Variants in ZC3H18 observed in about 807,000 individuals in gnomAD.
The protein encoded by ZC3H18 is zinc finger CCCH-type containing 18.
ZC3H18 carries 8 observed loss-of-function variants against 106.1 expected under a neutral mutation model. The observed-to-expected ratio is 0.08, with a 90% CI of 0.04 to 0.14. ZC3H18 has a LOEUF of 0.14. Among genes scored for constraint, ZC3H18 ranks in the 10% least tolerant of loss-of-function variants. The pLI, the probability that ZC3H18 is intolerant of heterozygous loss-of-function variation, is 1.00. For missense variants in ZC3H18, 1,318 were observed against 1,278.4 expected (o/e 1.03, Z -0.47); for synonymous variants, 635 against 522.1 (o/e 1.22, Z -2.95).
At chr16:88,598,034 C>A in intron 3 of ZC3H18, 144 bp from the exon 4 acceptor site, 1 of 722,712 alleles carries the variant, frequency 1.4e-6, no homozygotes, top group Non-Finnish European at 2.1e-6. Context: ...CGCCCACCTC[C>A]CCGTTCAGTT....
intron 3 of ZC3H18, among the ~76,000 whole-genome samples, chr16:88,596,110 C>T (rs1904424489): frequency 1.3e-5 from 2 of 152,150 alleles, no homozygotes; most frequent in African/African-American, 2.4e-5. Flanking sequence ...GAGCTGAACA[C>T]TGTCACCCAC....
In ZC3H18 at chr16:88,577,248, G is replaced by A; in HGVS notation, c.125G>A (p.Gly42Glu). Residue 42 changes from glycine to glutamate, a missense_variant, in exon 2 of 18, where the codon GGG becomes GAG. Gly to Glu is a moderately conservative substitution (Grantham distance 98). Transcript: ENST00000301011. ...SGSDQDLDGA[G>E]VRASDLEDEE... ...TCCGATCAGGATTTGGACGGGGCGG[G>A]GGTGAGGGCTTCTGATCTGGAGGAT... 1 of 1,613,690 alleles carries A rather than the reference G, an allele frequency of 6.2e-7. No individual in the cohort carries two copies. Among genetic ancestry groups the A allele is most frequent in the South Asian group, 1.1e-5 (1 of 90,990 alleles).
intron 8 of ZC3H18, among the ~76,000 whole-genome samples, chr16:88,617,351 C>T (rs1265659564): frequency 6.6e-6 from 1 of 152,194 alleles, no homozygotes; most frequent in African/African-American, 2.4e-5. Flanking sequence ...CCTTTTGAGG[C>T]TTACCCACTC....
intron 7 of ZC3H18, among the ~76,000 whole-genome samples, chr16:88,610,851 G>T (rs1316004168): frequency 6.6e-5 from 10 of 152,248 alleles, no homozygotes; most frequent in Non-Finnish European, 1.2e-4. Context: ...GACTTGCCCA[G>T]GCCACACGGC....
intron 8 of ZC3H18, among the ~76,000 whole-genome samples, chr16:88,619,967 A>G (rs141277074): frequency 1.2e-4 from 18 of 152,234 alleles, no homozygotes; most frequent in South Asian, 8.3e-4. Flanking sequence ...TTCCTGGATT[A>G]CTTTTCCAGG....
chr16:88,584,430 A>C (rs1018491032), intron 2 of ZC3H18, among the ~76,000 whole-genome samples: 77 of 152,310 alleles, frequency 5.1e-4, no homozygotes, highest in Non-Finnish European at 9.3e-4. Flanking sequence ...TCCAAAAAAA[A>C]AAAAAAAGCA....
At chr16:88,588,287 C>T (rs1425484594) in intron 3 of ZC3H18, among the ~76,000 whole-genome samples, 2 of 152,164 alleles carry the variant, frequency 1.3e-5, no homozygotes, top group African/African-American at 4.8e-5. Context: ...GAATCAGCAC[C>T]CATCACAGTG....
intron 8 of ZC3H18, among the ~76,000 whole-genome samples, chr16:88,620,004 T>A (rs767168903): frequency 3.3e-5 from 5 of 152,170 alleles, no homozygotes; most frequent in Admixed American, 6.5e-5. Flanking sequence ...CAATAGCTCT[T>A]GGGGTTTTGG....
At chr16:88,577,973 G>A (rs1914869379) in intron 2 of ZC3H18, among the ~76,000 whole-genome samples, 1 of 152,232 alleles carries the variant, frequency 6.6e-6, no homozygotes. Context: ...CGGCCGGCCA[G>A]CTGGTGGGAT....
chr16:88,624,277 G>A lies in ZC3H18; in HGVS notation c.1898+215G>A, dbSNP rs1221415308. The A allele has an allele frequency of 7.0e-6, 5 of 709,690 alleles. No individual in the cohort carries two copies. In the East Asian group the frequency reaches 1.1e-4, roughly 15 times the overall value. The allele number at this position is 709,690 out of a possible 1,614,324, so 44.0% of individuals were successfully genotyped here. The stretch of plus-strand genomic sequence containing the variant: ...ACAGCAGCACTCCCTCGGGAACCCT[G>A]GGGACAGAGCACAGCCCTGGGGACA... On this transcript the variant is annotated intron_variant, in intron 11 of 17. Transcript: ENST00000301011.
chr16:88,596,324 C>T (rs1904437781), intron 3 of ZC3H18, among the ~76,000 whole-genome samples: 1 of 152,146 alleles, frequency 6.6e-6, no homozygotes, highest in Admixed American at 6.6e-5. Flanking sequence ...TTAGCCACCA[C>T]CCAGATACAT....
intron 2 of ZC3H18, 53 bp from the exon 3 acceptor site, chr16:88,586,547 A>C: frequency 6.9e-7 from 1 of 1,442,010 alleles, no homozygotes; most frequent in African/African-American, 1.4e-5. Flanking sequence ...TGGAGAAAGC[A>C]GTGCTGATTG....
At chr16:88,598,488 G>A (rs544217629) in intron 4 of ZC3H18, 132 bp from the exon 5 acceptor site, 6 of 1,452,586 alleles carry the variant, frequency 4.1e-6, no homozygotes, top group Admixed American at 2.0e-5. Flanking sequence ...TCCGAGGACG[G>A]AGTGAGGCTT....
chr16:88,604,994 G>C (rs182269962), intron 6 of ZC3H18, among the ~76,000 whole-genome samples: 59 of 152,356 alleles, frequency 3.9e-4, no homozygotes, highest in African/African-American at 1.3e-3. Context: ...GCAGGCTGCT[G>C]TTCTTTGGAG....
At chr16:88,625,088 G>A (rs899942143) in intron 12 of ZC3H18, 114 bp from the exon 13 acceptor site, 3 of 1,249,752 alleles carry the variant, frequency 2.4e-6, no homozygotes, top group African/African-American at 1.5e-5. Context: ...CTGTTCCAAG[G>A]TGGTAGCAAG....
intron 8 of ZC3H18, among the ~76,000 whole-genome samples, chr16:88,616,943 A>C (rs2142775278): frequency 6.6e-6 from 1 of 152,276 alleles, no homozygotes; most frequent in East Asian, 1.9e-4. Flanking sequence ...TATAGCAGGC[A>C]CTTCACCACC....
At chr16:88,603,615 C>T (rs1904859075) in intron 6 of ZC3H18, among the ~76,000 whole-genome samples, 1 of 132,654 alleles carries the variant, frequency 7.5e-6, no homozygotes, top group Non-Finnish European at 1.6e-5. Flanking sequence ...CAGAGCGAGA[C>T]TCCGTCTCTT....
rs71391393 is a variant in ZC3H18, at chr16:88,582,219, C to CTTTTTTTTTTTTTTT, written c.604-4372_604-4358dup. On this transcript the variant is annotated intron_variant, in intron 2 of 17. Transcript: ENST00000301011. ...TAAATCCACCTTTCCTTTTTCTTTT[C>CTTTTTTTTTTTTTTT]TTTTTTTTTTTTTTTTTTTTTTTGA... Among the ~76,000 whole-genome samples, 523 of 77,130 alleles carry CTTTTTTTTTTTTTTT rather than the reference C, an allele frequency of 6.8e-3. 15 individuals are homozygous for CTTTTTTTTTTTTTTT. The highest frequency in any genetic ancestry group is 7.2e-3 in the African/African-American group (129 of 17,928). 50.6% of individuals were successfully genotyped at this position (77,130 alleles called of 152,430 possible). A position where few individuals can be genotyped will look rare whatever the true frequency, so the allele number is the denominator to read the frequency against.
At chr16:88,597,135 A>G (rs1904483323) in intron 3 of ZC3H18, among the ~76,000 whole-genome samples, 1 of 152,124 alleles carries the variant, frequency 6.6e-6, no homozygotes, top group African/African-American at 2.4e-5. Context: ...GTTAGCCAGG[A>G]TGGTCTTGAT....
Sources: allele counts gnomAD v4.1 joint callset (sites outside exome capture counted in the v4.1 genomes callset), GRCh38; gene constraint gnomAD v4.1.1; transcripts MANE v1.5; gene names NCBI Gene and HGNC (gene_info 2026-07-23, HGNC 2026-07-21).